The following OSBPL6 variants were observed in gnomAD, a reference collection of about 807,000 sequenced individuals.
The protein encoded by OSBPL6 is oxysterol binding protein like 6, also known as oxysterol-binding protein-related protein 6.
Under a neutral mutation model 125.8 loss-of-function variants are expected in OSBPL6, and 49 were observed. The observed-to-expected ratio is 0.39, with a 90% CI of 0.31 to 0.49. OSBPL6 has a LOEUF of 0.49. OSBPL6 is among the 20% of genes least tolerant of loss of function. OSBPL6 has a pLI of 0.88. For synonymous variants in OSBPL6, 394 were observed against 391.8 expected, an observed-to-expected ratio of 1.01 and a Z score of -0.07; for missense variants, 986 against 1,135.4, an observed-to-expected ratio of 0.87 and a Z score of 1.89.
At chr2:178,347,852 G>T (rs1690871148) in intron 11 of OSBPL6, among the ~76,000 whole-genome samples, 3 of 152,182 alleles carry the variant, frequency 2.0e-5, no homozygotes, top group Admixed American at 2.0e-4. Flanking sequence ...GATACCAAAT[G>T]ATTCAAATAA....
chr2:178,210,140 G>A (rs895697099), intron 1 of OSBPL6, among the ~76,000 whole-genome samples: 3 of 151,906 alleles, frequency 2.0e-5, no homozygotes, highest in African/African-American at 7.3e-5. Context: ...CTGCCTCAGC[G>A]TCCTGAGTAG....
chr2:178,324,922 CTG>C (rs2154073236), intron 4 of OSBPL6, among the ~76,000 whole-genome samples: 1 of 152,324 alleles, frequency 6.6e-6, no homozygotes, highest in South Asian at 2.1e-4. Flanking sequence ...TGCGGAGGGA[CTG>C]TTGTATATTC....
chr2:178,215,624 C>T lies in OSBPL6; in HGVS notation c.-351+20950C>T, dbSNP rs2090061785. Among the ~76,000 whole-genome samples the T allele has an allele frequency of 2.6e-5, 4 of 152,038 alleles. No individual in the cohort carries two copies. The South Asian group carries it at 8.3e-4, about 32-fold the overall frequency. On this transcript the variant is annotated intron_variant, in intron 1 of 24. Coordinates refer to ENST00000190611, the MANE Select transcript of OSBPL6 (RefSeq NM_032523.4). Reference sequence around the variant, plus strand: ...ATTCTGCAGAGAGAGAAGAAGCCCTCTCTCGGGGAGTGTCGTGTTCCTGTG... The same window carrying T: ...ATTCTGCAGAGAGAGAAGAAGCCCTTTCTCGGGGAGTGTCGTGTTCCTGTG...
chr2:178,324,210 A>G lies in OSBPL6; in HGVS notation c.136A>G (p.Ser46Gly), dbSNP rs143664561. The part of the protein sequence containing the change: ...IHILERTASS[S>G]TEPSVSRQLL... Reference sequence around the variant, plus strand: ...CATACTGGAGAGGACTGCTTCCTCTAGCACCGAGCCCTCTGTAAGTCGGCA... The same window carrying G: ...CATACTGGAGAGGACTGCTTCCTCTGGCACCGAGCCCTCTGTAAGTCGGCA... Residue 46 changes from serine (S) to glycine (G), a missense_variant, in exon 4 of 25, where the codon AGC (serine) becomes GGC (glycine). Ser to Gly is a moderately conservative substitution (Grantham distance 56). Coordinates refer to ENST00000190611, the MANE Select transcript of OSBPL6 (RefSeq NM_032523.4). The G allele has an allele frequency of 2.1e-4, 338 of 1,582,200 alleles. 1 individual carries two copies. The African/African-American group carries it at 4.0e-3, about 19-fold the overall frequency.
At chr2:178,236,909 C>T (rs972271814) in intron 1 of OSBPL6, among the ~76,000 whole-genome samples, 3 of 152,140 alleles carry the variant, frequency 2.0e-5, no homozygotes, top group Admixed American at 2.0e-4. Context: ...AGCCTCCTTC[C>T]TGTCTTCTCT....
chr2:178,332,885 C>T lies in OSBPL6; in HGVS notation c.501C>T (p.Asp167=), dbSNP rs376000382. ...HIYHLKVKSQ[D]WFDAWVSKLR... ...CATTGTTTTAGGTGAAATCCCAGGA[C>T]TGGTTTGATGCATGGGTCTCCAAAC... The change falls in exon 8 of 25, where the codon GAC becomes GAT. Residue 167 remains aspartate, a synonymous_variant. Coordinates refer to ENST00000190611, the MANE Select transcript of OSBPL6 (RefSeq NM_032523.4). 1.2e-6 allele frequency: 2 copies of T among 1,612,160 alleles called. No homozygotes were observed. Among genetic ancestry groups the T allele is most frequent in the African/African-American group, 2.7e-5 (2 of 74,864 alleles).
intron 1 of OSBPL6, among the ~76,000 whole-genome samples, chr2:178,278,028 T>G (rs1450162211): frequency 6.6e-6 from 1 of 152,212 alleles, no homozygotes; most frequent in Admixed American, 6.5e-5. Flanking sequence ...CTCTCCTCCT[T>G]TGTCCCCTAA....
chr2:178,259,475 C>CATTTCATTTCATTTAAAAGA (rs143657666), intron 1 of OSBPL6, among the ~76,000 whole-genome samples: 37,325 of 151,692 alleles, frequency 0.25, 5,128 homozygotes, highest in African/African-American at 0.38. Context: ...CCAGAGCTTG[C>CATTTCATTTCATTTAAAAGA]ATTTCATTTC....
intron 1 of OSBPL6, among the ~76,000 whole-genome samples, chr2:178,259,906 G>C (rs1181736151): frequency 1.3e-5 from 2 of 152,146 alleles, no homozygotes; most frequent in Non-Finnish European, 2.9e-5. Context: ...AGTCTATACT[G>C]GGTGATCTGT....
chr2:178,329,438 A>C (rs1005153101), intron 5 of OSBPL6, among the ~76,000 whole-genome samples: 22 of 148,574 alleles, frequency 1.5e-4, no homozygotes, highest in African/African-American at 4.5e-4. Context: ...TTTTTGAGAC[A>C]GAGTCTCACT....
At chr2:178,394,179 CA>C in intron 23 of OSBPL6, 133 bp from the exon 24 acceptor site, 1 of 1,148,046 alleles carries the variant, frequency 8.7e-7, no homozygotes, top group Admixed American at 2.4e-5. Context: ...AGCCTGGCGA[CA>C]GAGCAAGACT....
intron 1 of OSBPL6, among the ~76,000 whole-genome samples, chr2:178,214,458 A>T (rs2089999362): frequency 1.3e-5 from 2 of 152,328 alleles, no homozygotes; most frequent in South Asian, 2.1e-4. Context: ...CAAGTACAAA[A>T]TCAATCCGTA....
intron 3 of OSBPL6, among the ~76,000 whole-genome samples, chr2:178,312,829 C>G (rs1188726427): frequency 2.0e-5 from 3 of 152,126 alleles, no homozygotes; most frequent in Non-Finnish European, 2.9e-5. Flanking sequence ...ATAATAAGGT[C>G]ACTCAGTTTG....
chr2:178,379,181 C>T (rs888766705), intron 15 of OSBPL6, among the ~76,000 whole-genome samples: 2 of 108,948 alleles, frequency 1.8e-5, no homozygotes, highest in East Asian at 2.4e-4. Flanking sequence ...CAAAAAAGAA[C>T]GAAGGAACGA....
chr2:178,213,958 C>T (rs142501340), intron 1 of OSBPL6, among the ~76,000 whole-genome samples: 81 of 152,250 alleles, frequency 5.3e-4, no homozygotes, highest in African/African-American at 1.8e-3. Flanking sequence ...TTGGTTAGTT[C>T]CCCTACTAAA....
intron 21 of OSBPL6, among the ~76,000 whole-genome samples, chr2:178,389,569 G>A (rs964763199): frequency 6.6e-6 from 1 of 152,184 alleles, no homozygotes. Context: ...GACACTTGAT[G>A]TAGTCATGTA....
intron 2 of OSBPL6, among the ~76,000 whole-genome samples, chr2:178,294,867 CTTT>C (rs35140268): frequency 8.2e-5 from 11 of 133,682 alleles, no homozygotes; most frequent in Non-Finnish European, 1.1e-4. Context: ...TCACCATTAG[CTTT>C]TTTTTTTTTT....
chr2:178,373,176 G>T (rs1419462105), intron 14 of OSBPL6, among the ~76,000 whole-genome samples: 2 of 152,148 alleles, frequency 1.3e-5, no homozygotes, highest in South Asian at 2.1e-4. Flanking sequence ...ACCTCCATGG[G>T]CCCTGTGTTC....
chr2:178,212,900 C>T (rs1324110643), intron 1 of OSBPL6, among the ~76,000 whole-genome samples: 6 of 151,984 alleles, frequency 3.9e-5, no homozygotes, highest in Non-Finnish European at 5.9e-5. Context: ...CTCCACCTCC[C>T]GGGTTCAAGC....
Sources: gnomAD v4.1 joint callset for allele counts (sites outside exome capture counted in the v4.1 genomes callset) on GRCh38, gnomAD v4.1.1 for gene constraint, MANE v1.5 for transcripts, NCBI Gene and HGNC (gene_info 2026-07-23, HGNC 2026-07-21) for gene names.